PTPRD: variants seen among roughly 807,000 people sequenced by gnomAD.
PTPRD encodes the protein receptor-type tyrosine-protein phosphatase delta.
In PTPRD, 34 loss-of-function variants were observed where a neutral mutation model predicts 214.5. The observed-to-expected ratio is 0.16, with a 90% CI of 0.12 to 0.21. PTPRD has a LOEUF of 0.21. PTPRD is among the 10% of genes least tolerant of loss of function. The probability of loss-of-function intolerance (pLI) is 1.00; values close to 1 mark genes in which losing one functional copy is unlikely to be tolerated. For missense variants in PTPRD, 2,545 were observed against 2,398.7 expected (o/e 1.06, Z -1.27); for synonymous variants, 1,128 against 845.7 (o/e 1.33, Z -5.79).
chr9:9,612,767 A>G (rs1213876233), intron 7 of PTPRD, among the ~76,000 whole-genome samples: 1 of 152,138 alleles, frequency 6.6e-6, no homozygotes, highest in East Asian at 1.9e-4. Context: ...CTCTGCTTGG[A>G]CTATTTTGAT....
intron 10 of PTPRD, among the ~76,000 whole-genome samples, chr9:9,120,126 T>C (rs942215240): frequency 6.6e-6 from 1 of 152,212 alleles, no homozygotes; most frequent in East Asian, 1.9e-4. Context: ...ATGATGTGCC[T>C]GATTATATTT....
At chr9:8,364,834 T>C (rs908451549) in intron 39 of PTPRD, among the ~76,000 whole-genome samples, 1 of 152,230 alleles carries the variant, frequency 6.6e-6, no homozygotes, top group Non-Finnish European at 1.5e-5. Context: ...CCATTATTCA[T>C]GGGCTTGAAG....
At chr9:8,892,830 T>A (rs1291447338) in intron 11 of PTPRD, among the ~76,000 whole-genome samples, 1 of 151,688 alleles carries the variant, frequency 6.6e-6, no homozygotes, top group Non-Finnish European at 1.5e-5. Context: ...GTAGTGGACA[T>A]GCAAAGGCCC....
intron 5 of PTPRD, among the ~76,000 whole-genome samples, chr9:9,830,063 T>A (rs985415922): frequency 7.2e-5 from 11 of 151,846 alleles, no homozygotes; most frequent in African/African-American, 2.6e-4. Context: ...AACATTCATC[T>A]CTATTTCTTG....
At chr9:9,892,899 G>T (rs148712313) in intron 5 of PTPRD, among the ~76,000 whole-genome samples, 8 of 151,996 alleles carry the variant, frequency 5.3e-5, no homozygotes, top group African/African-American at 1.9e-4. Context: ...TGACTCAAAG[G>T]TTTCAGTCTG....
At chr9:8,330,859 A>G (rs10976961) in intron 44 of PTPRD, among the ~76,000 whole-genome samples, 33,440 of 152,018 alleles carry the variant, frequency 0.22, 3,987 homozygotes, top group Middle Eastern at 0.37. Context: ...GTTTCACCAT[A>G]AAAAGATTAG....
intron 2 of PTPRD, among the ~76,000 whole-genome samples, chr9:10,479,455 G>C (rs900308000): frequency 1.4e-4 from 21 of 151,960 alleles, no homozygotes; most frequent in African/African-American, 4.8e-4. Flanking sequence ...AACTTAACTT[G>C]TACTCTAACC....
chr9:9,659,797 T>C (rs1006645468), intron 7 of PTPRD, among the ~76,000 whole-genome samples: 4 of 152,070 alleles, frequency 2.6e-5, no homozygotes, highest in East Asian at 1.9e-4. Flanking sequence ...CTCACAACCA[T>C]TGAAAATTGG....
intron 33 of PTPRD, among the ~76,000 whole-genome samples, chr9:8,458,214 T>C (rs1414417850): frequency 6.6e-6 from 1 of 152,174 alleles, no homozygotes; most frequent in African/African-American, 2.4e-5. Context: ...ATACTTCTTT[T>C]TGTGGGATTA....
At chr9:9,409,738 C>A (rs2074747375) in intron 8 of PTPRD, among the ~76,000 whole-genome samples, 1 of 151,992 alleles carries the variant, frequency 6.6e-6, no homozygotes, top group South Asian at 2.1e-4. Flanking sequence ...TTTCAAATCC[C>A]AGTAGAGTAC....
chr9:9,987,094 C>T (rs1187369036), intron 4 of PTPRD, among the ~76,000 whole-genome samples: 1 of 151,988 alleles, frequency 6.6e-6, no homozygotes, highest in Non-Finnish European at 1.5e-5. Flanking sequence ...AGTTATATAG[C>T]AATAATCAAG....
chr9:9,771,354 C>G (rs2098750310), intron 5 of PTPRD, among the ~76,000 whole-genome samples: 1 of 152,236 alleles, frequency 6.6e-6, no homozygotes, highest in African/African-American at 2.4e-5. Flanking sequence ...ATTTCCAAAC[C>G]TAATTCATAT....
At chr9:8,536,559 A>C (rs1428565270) in intron 14 of PTPRD, among the ~76,000 whole-genome samples, 1 of 152,008 alleles carries the variant, frequency 6.6e-6, no homozygotes, top group African/African-American at 2.4e-5. Context: ...AAGGTAGATG[A>C]GAAATGGAAG....
chr9:10,483,231 G>C (rs953135064), intron 2 of PTPRD, among the ~76,000 whole-genome samples: 21 of 151,996 alleles, frequency 1.4e-4, no homozygotes, highest in Non-Finnish European at 2.2e-4. Context: ...GGATAGCCAC[G>C]TGTAGAAAAA....
intron 12 of PTPRD, among the ~76,000 whole-genome samples, chr9:8,654,660 GT>G (rs1000373113): frequency 4.6e-5 from 7 of 151,992 alleles, no homozygotes; most frequent in African/African-American, 1.7e-4. Context: ...AAACTTAAAT[GT>G]ATTTTCAATT....
At chr9:9,532,975 T>C (rs189967823) in intron 8 of PTPRD, among the ~76,000 whole-genome samples, 82 of 152,276 alleles carry the variant, frequency 5.4e-4, no homozygotes, top group Non-Finnish European at 5.7e-4. Context: ...CATCAAATAA[T>C]AGTGAAGAAT....
chr9:10,400,931 CT>C (rs2098259366), intron 2 of PTPRD, among the ~76,000 whole-genome samples: 1 of 151,296 alleles, frequency 6.6e-6, no homozygotes, highest in African/African-American at 2.4e-5. Flanking sequence ...TTCTTTACTC[CT>C]TAAACATATA....
rs571216159 is a variant in PTPRD at position 9,296,993 on chromosome 9, C to A, written c.-203+100456G>T. Among the ~76,000 whole-genome samples the A allele has an allele frequency of 2.6e-5, 4 of 151,820 alleles. 1 individual carries two copies. In the South Asian group the frequency reaches 8.3e-4, roughly 31 times the overall value. ...ATAAAACTTCTTTAACTGTTCAAAT[C>A]TCTGCACCTTTAAGCAGACTGACTT... is the stretch of plus-strand genomic sequence containing the variant. On this transcript the variant is annotated intron_variant, in intron 9 of 45. Coordinates refer to ENST00000381196, the MANE Select transcript of PTPRD (RefSeq NM_002839.4).
intron 10 of PTPRD, among the ~76,000 whole-genome samples, chr9:9,162,820 T>C (rs570809867): frequency 6.6e-6 from 1 of 152,232 alleles, no homozygotes; most frequent in African/African-American, 2.4e-5. Flanking sequence ...TCATTCAACA[T>C]TATTATTTTT....
Sources: gnomAD v4.1 joint callset for allele counts (sites outside exome capture counted in the v4.1 genomes callset) on GRCh38, gnomAD v4.1.1 for gene constraint, MANE v1.5 for transcripts, NCBI Gene and HGNC (gene_info 2026-07-23, HGNC 2026-07-21) for gene names.